The following FRMD3 variants were observed in gnomAD, a reference collection of about 807,000 sequenced individuals.
The protein encoded by FRMD3 is FERM domain containing 3.
A neutral mutation model predicts 70.2 loss-of-function variants in FRMD3; 33 were observed. That is an observed-to-expected ratio of 0.47 (90% CI 0.36 to 0.63). The LOEUF (loss-of-function observed/expected upper bound fraction) is 0.63. FRMD3 is among the 20% of genes least tolerant of loss of function. FRMD3 has a pLI of 0.00. For synonymous variants in FRMD3, 279 were observed against 255.9 expected, an observed-to-expected ratio of 1.09 and a Z score of -0.86; for missense variants, 632 against 711.4, an observed-to-expected ratio of 0.89 and a Z score of 1.27.
intron 2 of FRMD3, among the ~76,000 whole-genome samples, chr9:83,387,756 A>G (rs781662509): frequency 6.6e-6 from 1 of 152,188 alleles, no homozygotes; most frequent in Non-Finnish European, 1.5e-5. Flanking sequence ...TTCACAGGCT[A>G]TAAAAAGTTA....
chr9:83,466,685 G>A (rs1045353368), intron 1 of FRMD3, among the ~76,000 whole-genome samples: 1 of 152,168 alleles, frequency 6.6e-6, no homozygotes, highest in African/African-American at 2.4e-5. Context: ...AACAGTGCCT[G>A]GAGGTGTATC....
chr9:83,567,428 G>A, the FRMD3 span, among the ~76,000 whole-genome samples: 1 of 152,198 alleles, frequency 6.6e-6, no homozygotes, highest in Admixed American at 6.5e-5. Context: ...TGGTCTTGGG[G>A]ATTAACATTA....
At chr9:83,370,690 T>A (rs1233080826) in intron 3 of FRMD3, among the ~76,000 whole-genome samples, 1 of 152,196 alleles carries the variant, frequency 6.6e-6, no homozygotes, top group Non-Finnish European at 1.5e-5. Flanking sequence ...GGCAGGCAGA[T>A]CACCTAAGAT....
At chr9:83,575,184 C>A in the FRMD3 span, among the ~76,000 whole-genome samples, 40 of 152,264 alleles carry the variant, frequency 2.6e-4, no homozygotes, top group African/African-American at 9.4e-4. Flanking sequence ...ATTTGAAAGA[C>A]ATCCTCTCAA....
At chr9:83,254,031 C>T (rs1391880592) in intron 13 of FRMD3, among the ~76,000 whole-genome samples, 19 of 151,678 alleles carry the variant, frequency 1.3e-4, no homozygotes, top group Non-Finnish European at 2.5e-4. Flanking sequence ...AACCAAACAC[C>T]ACATGTTCTC....
intron 13 of FRMD3, among the ~76,000 whole-genome samples, chr9:83,273,098 C>T (rs1404637819): frequency 6.7e-6 from 1 of 149,968 alleles, no homozygotes; most frequent in Non-Finnish European, 1.5e-5. Context: ...AGTGAGGAGC[C>T]CCTCTGCCCG....
chr9:83,348,733 C>G (rs2131180698), intron 4 of FRMD3, among the ~76,000 whole-genome samples: 1 of 152,244 alleles, frequency 6.6e-6, no homozygotes, highest in South Asian at 2.1e-4. Context: ...CACACACACC[C>G]TCTCTCCCCA....
chr9:83,544,816 C>T, the FRMD3 span, among the ~76,000 whole-genome samples: 1 of 152,072 alleles, frequency 6.6e-6, no homozygotes, highest in South Asian at 2.1e-4. Context: ...CTGAAAGCAC[C>T]AAGAAGCAAA....
chr9:83,343,803 T>C (rs1415793863), intron 4 of FRMD3, among the ~76,000 whole-genome samples: 1 of 152,198 alleles, frequency 6.6e-6, no homozygotes, highest in East Asian at 1.9e-4. Flanking sequence ...ACTAACTGAT[T>C]CACAACTAGA....
intron 1 of FRMD3, among the ~76,000 whole-genome samples, chr9:83,501,476 G>C (rs1243453373): frequency 6.6e-6 from 1 of 152,148 alleles, no homozygotes; most frequent in Non-Finnish European, 1.5e-5. Flanking sequence ...TCTTCCATGA[G>C]AGCACTATAA....
At chr9:83,519,623 C>T (rs1374506924) in intron 1 of FRMD3, among the ~76,000 whole-genome samples, 1 of 152,156 alleles carries the variant, frequency 6.6e-6, no homozygotes, top group Non-Finnish European at 1.5e-5. Flanking sequence ...TATAATTTGA[C>T]CCAGCAATCC....
chr9:83,270,323 C>T (rs1181873555), intron 13 of FRMD3, among the ~76,000 whole-genome samples: 1 of 152,204 alleles, frequency 6.6e-6, no homozygotes, highest in African/African-American at 2.4e-5. Flanking sequence ...AGAAGAATGG[C>T]ATTCAGTGAT....
At chr9:83,500,702 T>G (rs754970901) in intron 1 of FRMD3, among the ~76,000 whole-genome samples, 1 of 152,200 alleles carries the variant, frequency 6.6e-6, no homozygotes, top group African/African-American at 2.4e-5. Context: ...AATGACAGAT[T>G]CAATTAGTCA....
At chr9:83,405,683 T>C (rs974575073) in intron 1 of FRMD3, among the ~76,000 whole-genome samples, 1 of 151,486 alleles carries the variant, frequency 6.6e-6, no homozygotes, top group Non-Finnish European at 1.5e-5. Context: ...GGCAGGAGAA[T>C]TGCTTGAACC....
chr9:83,584,361 TCTCCTCCTC>T, the FRMD3 span, among the ~76,000 whole-genome samples: 9 of 151,658 alleles, frequency 5.9e-5, no homozygotes, highest in African/African-American at 2.2e-4. Context: ...CCCCCGATTA[TCTCCTCCTC>T]CTCCTCCTCC....
chr9:83,347,318 C>A (rs533436292), intron 4 of FRMD3, among the ~76,000 whole-genome samples: 3 of 152,036 alleles, frequency 2.0e-5, no homozygotes, highest in Admixed American at 6.5e-5. Flanking sequence ...TAATAGCTAC[C>A]AAAAAATAAT....
intron 1 of FRMD3, among the ~76,000 whole-genome samples, chr9:83,517,186 G>T (rs1460426818): frequency 6.6e-6 from 1 of 152,010 alleles, no homozygotes; most frequent in African/African-American, 2.4e-5. Flanking sequence ...ACCAGGAGCT[G>T]GTTTTTTGGA....
At chr9:83,355,567 T>C (rs1384851060) in intron 3 of FRMD3, among the ~76,000 whole-genome samples, 1 of 152,224 alleles carries the variant, frequency 6.6e-6, no homozygotes, top group African/African-American at 2.4e-5. Context: ...TCTTTCCTGC[T>C]CTGCAGAGGT....
rs184977734 is a variant in FRMD3 at position 83,283,085 on chromosome 9, A to G, written c.1195+7518T>C. 2.6e-5 allele frequency among the ~76,000 whole-genome samples: 4 copies of G among 152,320 alleles called. No individual in the cohort carries two copies. The East Asian group carries it at 5.8e-4, about 22-fold the overall frequency. ...TCTAAAGACGAGAATAGCTCCAAAG[A>G]AAAACATGAAAGAAAAGGTAAAAAG... is the stretch of plus-strand genomic sequence containing the variant. On this transcript the variant is annotated intron_variant, in intron 13 of 13. Transcript: ENST00000304195.
Sources: allele counts gnomAD v4.1 joint callset (sites outside exome capture counted in the v4.1 genomes callset), GRCh38; gene constraint gnomAD v4.1.1; transcripts MANE v1.5; gene names NCBI Gene and HGNC (gene_info 2026-07-23, HGNC 2026-07-21).